The following DLGAP2 variants were observed in gnomAD, a reference collection of about 807,000 sequenced individuals.
The protein encoded by DLGAP2 is disks large-associated protein 2.
A neutral mutation model predicts 100.3 loss-of-function variants in DLGAP2; 26 were observed. That is an observed-to-expected ratio of 0.26 (90% CI 0.19 to 0.36). The LOEUF (loss-of-function observed/expected upper bound fraction) is 0.36. Ranked by LOEUF, DLGAP2 falls within the 10% of genes least tolerant of loss-of-function variation. The pLI is 1.00. For synonymous variants in DLGAP2, 886 were observed against 630.1 expected (o/e 1.41, Z -6.08); for missense variants, 1,858 against 1,453.2 (o/e 1.28, Z -4.53).
intron 3 of DLGAP2, among the ~76,000 whole-genome samples, chr8:1,280,220 TTTGA>T (rs1238390985): frequency 1.3e-5 from 2 of 152,172 alleles, no homozygotes; most frequent in African/African-American, 2.4e-5. Context: ...CATCAGCCAA[TTTGA>T]TTGATCAAAT....
In DLGAP2 at chr8:1,270,462, T is replaced by G. The variant is rs145149422; in HGVS notation, c.106+11579T>G. On this transcript the variant is annotated intron_variant, in intron 3 of 14. Transcript: ENST00000637795. ...ATTTTCAGTATATGTGTCCTCTGTTTCCACTCTTGCCTTACGTCCAAGATT... is the reference window on the plus strand; with the variant it reads ...ATTTTCAGTATATGTGTCCTCTGTTGCCACTCTTGCCTTACGTCCAAGATT... Among the ~76,000 whole-genome samples the G allele has an allele frequency of 6.6e-4, 101 of 152,352 alleles. 1 individual carries two copies. Among genetic ancestry groups the G allele is most frequent in the Admixed American group, 4.5e-3 (69 of 15,306 alleles).
In DLGAP2 at chr8:1,704,525, T is replaced by G. The variant is rs1291101262; in HGVS notation, c.*3119T>G. 6.6e-6 allele frequency: 1 copy of G among 152,242 alleles called. No homozygotes were observed. The highest frequency in any genetic ancestry group is 1.5e-5 in the Non-Finnish European group (1 of 68,040). 9.4% of individuals were successfully genotyped at this position (152,242 alleles called of 1,614,324 possible). ...CTCGCATCTTCACGTGTTGTTGTGTTTGAAGTAAAACTAGTTGTTATCGAT... is the reference window on the plus strand; with the variant it reads ...CTCGCATCTTCACGTGTTGTTGTGTGTGAAGTAAAACTAGTTGTTATCGAT... On this transcript the variant is annotated 3_prime_UTR_variant, in exon 15 of 15. Transcript: ENST00000637795.
At chr8:1,473,775 C>T (rs1409233561) in intron 3 of DLGAP2, among the ~76,000 whole-genome samples, 2 of 152,154 alleles carry the variant, frequency 1.3e-5, no homozygotes, top group African/African-American at 2.4e-5. Flanking sequence ...GTAGTGAATA[C>T]ATCTCATGAG....
intron 3 of DLGAP2, among the ~76,000 whole-genome samples, chr8:1,462,838 T>C (rs1798499259): frequency 6.6e-6 from 1 of 152,236 alleles, no homozygotes. Context: ...CGGCTTCTGA[T>C]TTCTAGGATC....
chr8:1,322,976 C>A (rs1346383097), intron 3 of DLGAP2, among the ~76,000 whole-genome samples: 2 of 152,040 alleles, frequency 1.3e-5, no homozygotes, highest in East Asian at 3.9e-4. Context: ...CACCTTTGTC[C>A]CCTCCATGCC....
At chr8:1,214,799 A>C (rs1387420422) in intron 2 of DLGAP2, among the ~76,000 whole-genome samples, 1 of 152,256 alleles carries the variant, frequency 6.6e-6, no homozygotes, top group Non-Finnish European at 1.5e-5. Context: ...AAGATTTTCT[A>C]ATTAGCCTTG....
intron 1 of DLGAP2, among the ~76,000 whole-genome samples, chr8:799,991 G>A (rs1035451716): frequency 2.0e-5 from 3 of 152,168 alleles, no homozygotes; most frequent in Non-Finnish European, 1.5e-5. Flanking sequence ...AATGAAAGCC[G>A]CAGTGATGGC....
intron 3 of DLGAP2, among the ~76,000 whole-genome samples, chr8:1,268,807 G>A (rs1264312019): frequency 6.6e-6 from 1 of 152,196 alleles, no homozygotes; most frequent in Non-Finnish European, 1.5e-5. Context: ...TGTCAGCATT[G>A]TTCTGGGGTC....
At chr8:1,628,760 G>A (rs1242227331) in intron 7 of DLGAP2, among the ~76,000 whole-genome samples, 1 of 150,888 alleles carries the variant, frequency 6.6e-6, no homozygotes, top group Non-Finnish European at 1.5e-5. Flanking sequence ...CTGACTTACT[G>A]TGGAGCAGGG....
At chr8:1,661,143 C>T (rs1798400424) in intron 8 of DLGAP2, among the ~76,000 whole-genome samples, 1 of 152,184 alleles carries the variant, frequency 6.6e-6, no homozygotes, top group Non-Finnish European at 1.5e-5. Flanking sequence ...AATAGAAATC[C>T]TTTTCAAAGC....
In DLGAP2 at chr8:1,251,420, C is replaced by T. The variant is rs570371942; in HGVS notation, c.74-7431C>T. Among the ~76,000 whole-genome samples, 6 of 152,218 alleles carry T rather than the reference C, an allele frequency of 3.9e-5. No homozygotes were observed. The South Asian group carries it at 1.2e-3, about 32-fold the overall frequency. ...TTTTCCATTTGAGCAGATAAGATTC[C>T]ATAGCATCCACAAATTGTATTTACT... On this transcript the variant is annotated intron_variant, in intron 2 of 14. Transcript: ENST00000637795.
chr8:789,263 C>T (rs777044585), intron 1 of DLGAP2, among the ~76,000 whole-genome samples: 6 of 152,132 alleles, frequency 3.9e-5, no homozygotes, highest in African/African-American at 9.7e-5. Context: ...TCAGGATTTG[C>T]GGGAAGCATG....
At chr8:1,158,090 C>T (rs1252890114) in intron 2 of DLGAP2, among the ~76,000 whole-genome samples, 2 of 152,244 alleles carry the variant, frequency 1.3e-5, no homozygotes, top group East Asian at 3.8e-4. Context: ...CAGGTTCTGC[C>T]TGAGCATTTA....
At chr8:1,045,683 C>G (rs754365050) in intron 2 of DLGAP2, among the ~76,000 whole-genome samples, 9 of 152,320 alleles carry the variant, frequency 5.9e-5, no homozygotes, top group Non-Finnish European at 1.3e-4. Flanking sequence ...TTCGCTGCTT[C>G]TGTGAGTTCT....
chr8:1,349,790 A>G (rs1801664887), intron 3 of DLGAP2, among the ~76,000 whole-genome samples: 2 of 152,286 alleles, frequency 1.3e-5, no homozygotes, highest in Admixed American at 1.3e-4. Context: ...GTGACTTTAC[A>G]GAGAAGTGCA....
intron 3 of DLGAP2, among the ~76,000 whole-genome samples, chr8:1,270,391 T>A (rs1300917261): frequency 6.6e-6 from 1 of 152,224 alleles, no homozygotes; most frequent in Non-Finnish European, 1.5e-5. Flanking sequence ...CGTCACAGCC[T>A]CATTGACTTA....
chr8:1,616,808 G>C (rs1333625955), intron 6 of DLGAP2, among the ~76,000 whole-genome samples: 2 of 152,048 alleles, frequency 1.3e-5, no homozygotes, highest in African/African-American at 4.8e-5. Flanking sequence ...CGTCATGTGG[G>C]GTTTGGTGTA....
chr8:1,241,229 G>A (rs1208819249), intron 2 of DLGAP2, among the ~76,000 whole-genome samples: 6 of 146,106 alleles, frequency 4.1e-5, no homozygotes, highest in Admixed American at 1.4e-4. Flanking sequence ...ACATGGCGCC[G>A]TGTCTAGTTC....
At chr8:931,587 G>A (rs761420846) in intron 2 of DLGAP2, among the ~76,000 whole-genome samples, 2 of 152,164 alleles carry the variant, frequency 1.3e-5, no homozygotes. Context: ...TTTGGCTCCC[G>A]GGAAGCTTGG....
Sources: gnomAD v4.1 joint callset for allele counts (sites outside exome capture counted in the v4.1 genomes callset) on GRCh38, gnomAD v4.1.1 for gene constraint, MANE v1.5 for transcripts, NCBI Gene and HGNC (gene_info 2026-07-23, HGNC 2026-07-21) for gene names.